The following KRT39 variants were observed in gnomAD, a reference collection of about 807,000 sequenced individuals.
The protein encoded by KRT39 is keratin, type I cytoskeletal 39.
In KRT39, 47 loss-of-function variants were observed where a neutral mutation model predicts 54.8. That is an observed-to-expected ratio of 0.86 (90% CI 0.68 to 1.09). The LOEUF (loss-of-function observed/expected upper bound fraction) is 1.09, where lower values mean the gene tolerates loss of function less well. KRT39 is among the 50% of genes least tolerant of loss of function. KRT39 has a pLI of 0.00. For synonymous variants in KRT39, 207 were observed against 227.9 expected, an observed-to-expected ratio of 0.91 and a Z score of 0.83; for missense variants, 580 against 598.5, an observed-to-expected ratio of 0.97 and a Z score of 0.32.
At position 40,962,217 on chromosome 17, in the gene KRT39, T is replaced by G; in HGVS notation, c.941A>C (p.Glu314Ala). The change falls in exon 5 of 7, where the codon GAA becomes GCA. Residue 314 changes from glutamate (E) to alanine (A), a missense_variant. Coordinates refer to ENST00000355612, the MANE Select transcript of KRT39 (RefSeq NM_213656.4). ...CAGAGTGTTCACACTGCGTCTCAGT[T>G]CTATGATCTCCTTTTGGCAGCATTG... ...QQQCCQKEII[E>A]LRRSVNTLEV... is the part of the protein sequence containing the mutation. 6.2e-7 allele frequency: 1 copy of G among 1,614,234 alleles called. No individual in the cohort carries two copies. The highest frequency in any genetic ancestry group is 8.5e-7 in the Non-Finnish European group (1 of 1,180,030).
At chr17:40,965,694 G>A (rs576691268) in intron 1 of KRT39, among the ~76,000 whole-genome samples, 1 of 152,228 alleles carries the variant, frequency 6.6e-6, no homozygotes, top group African/African-American at 2.4e-5. Flanking sequence ...AGGTGGTGAT[G>A]GTTGAAAAAT....
rs372674000 is a variant in KRT39, at chr17:40,966,835, T to C, written c.22A>G (p.Thr8Ala). MDTKGCT[T>A]TNSPSTPCQN... is the part of the protein sequence containing the mutation. The stretch of plus-strand genomic sequence containing the variant: ...CATGGGGTTGAAGGAGAATTGGTTG[T>C]TGTACAGCCCTTGGTGTCCATAGTA... Residue 8 changes from threonine (T) to alanine (A), a missense_variant, in exon 1 of 7, where the codon ACA becomes GCA. By Grantham distance (58) the Thr-to-Ala change is moderately conservative (BLOSUM62 0). Transcript: ENST00000355612. 1.7e-5 allele frequency: 28 copies of C among 1,612,884 alleles called. No homozygotes were observed. The highest frequency in any genetic ancestry group is 2.4e-5 in the Non-Finnish European group (28 of 1,179,112).
In KRT39 at chr17:40,961,014, C is replaced by A. The variant is rs1273232971; in HGVS notation, c.997-513G>T. On this transcript the variant is annotated intron_variant, in intron 5 of 6. Coordinates refer to ENST00000355612, the MANE Select transcript of KRT39 (RefSeq NM_213656.4). ...GGTGTTCTGGTGGGCACCTGTAATC[C>A]CAGCTACTTGGGAGGCTAAGGCAGA... 2.0e-5 allele frequency among the ~76,000 whole-genome samples: 3 copies of A among 151,974 alleles called. 1 individual carries two copies. Among genetic ancestry groups the A allele is most frequent in the Non-Finnish European group, 4.4e-5 (3 of 67,996 alleles).
rs137856184 is a variant in KRT39, at chr17:40,964,746, T to C, written c.469-218A>G. 1.9e-4 allele frequency among the ~76,000 whole-genome samples: 28 copies of C among 148,034 alleles called. 1 individual carries two copies. The East Asian group carries it at 5.4e-3, about 29-fold the overall frequency. ...CAAAAAGTACTTAACTAGAAACTTTTAAGTATTTTTTTTGTTGTTGTTGTT... is the reference window on the plus strand; with the variant it reads ...CAAAAAGTACTTAACTAGAAACTTTCAAGTATTTTTTTTGTTGTTGTTGTT... On this transcript the variant is annotated intron_variant, in intron 1 of 6. Transcript: ENST00000355612.
At chr17:40,958,981 G>A in intron 6 of KRT39, 122 bp from the exon 7 acceptor site, 2 of 846,190 alleles carry the variant, frequency 2.4e-6, no homozygotes, top group Non-Finnish European at 3.7e-6. Context: ...ACTTCTAAAT[G>A]CTTATTCATT....
Position 40,966,861 on chromosome 17 carries a change from T to A in KRT39, c.-5A>T. ...TGTACAGCCCTTGGTGTCCATAGTATGTGTCTGGCTTTAGTTTGTTCCAGG... is the reference window on the plus strand; with the variant it reads ...TGTACAGCCCTTGGTGTCCATAGTAAGTGTCTGGCTTTAGTTTGTTCCAGG... On this transcript the variant is annotated 5_prime_UTR_variant, in exon 1 of 7. Coordinates refer to ENST00000355612, the MANE Select transcript of KRT39 (RefSeq NM_213656.4). 6.3e-7 allele frequency: 1 copy of A among 1,577,692 alleles called. No individual in the cohort carries two copies. The highest frequency in any genetic ancestry group is 8.6e-7 in the Non-Finnish European group (1 of 1,163,386).
At chr17:40,962,959 G>A (rs1470561243) in intron 3 of KRT39, among the ~76,000 whole-genome samples, 1 of 152,190 alleles carries the variant, frequency 6.6e-6, no homozygotes, top group East Asian at 1.9e-4. Context: ...GGTGGCAGAA[G>A]CCTGTATAGG....
rs1911246694 is a variant in KRT39, at chr17:40,963,700, C to T, written c.635G>A (p.Gly212Asp). ...GACTTGTGCCTCTAGGTCGGCCTTG[C>T]CCAGGGTCAGCACATTCAGGATCTG... is the stretch of plus-strand genomic sequence containing the variant. ...LKQILNVLTL[G>D]KADLEAQVQS... The change falls in exon 3 of 7, where the codon GGC becomes GAC. Residue 212 changes from glycine (G) to aspartate (D), a missense_variant. By Grantham distance (94) the Gly-to-Asp change is moderately conservative. Transcript: ENST00000355612. 6.2e-7 allele frequency: 1 copy of T among 1,611,680 alleles called. No homozygotes were observed. The highest frequency in any genetic ancestry group is 2.2e-5 in the East Asian group (1 of 44,846).
Position 40,966,756 on chromosome 17 carries a change from C to T in KRT39, c.101G>A (p.Cys34Tyr), listed in dbSNP as rs1567838727. Residue 34 changes from cysteine (C) to tyrosine (Y), a missense_variant, in exon 1 of 7, where the codon TGC becomes TAC. Coordinates refer to ENST00000355612, the MANE Select transcript of KRT39 (RefSeq NM_213656.4). ...GTTGACTGTAAGGCCACCAGGATGG[C>T]AGCCGTTGTTAGAAGAGATGGTACT... ...NVSTISSNNG[C>Y]HPGGLTVNNC... The T allele has an allele frequency of 6.2e-7, 1 of 1,614,124 alleles. No homozygotes were observed. Among genetic ancestry groups the T allele is most frequent in the Admixed American group, 1.7e-5 (1 of 60,022 alleles).
intron 1 of KRT39, among the ~76,000 whole-genome samples, chr17:40,966,049 A>AT (rs991265881): frequency 3.5e-5 from 5 of 141,456 alleles, no homozygotes; most frequent in South Asian, 4.7e-4. Context: ...CGCCCATCTA[A>AT]TTTTTTTTTG....
intron 2 of KRT39, 197 bp from the exon 3 acceptor site, chr17:40,963,980 G>A (rs1238258021): frequency 8.8e-6 from 4 of 456,982 alleles, no homozygotes; most frequent in Non-Finnish European, 1.5e-5. Context: ...TTGCTAGGGG[G>A]ATCTACATTG....
intron 6 of KRT39, 86 bp downstream of exon 6, chr17:40,960,195 C>T: frequency 1.7e-6 from 2 of 1,172,530 alleles, no homozygotes; most frequent in South Asian, 2.6e-5. Context: ...TCAAACAAAG[C>T]ACTTGACCCC....
Position 40,963,783 on chromosome 17 carries a change from TC to T in KRT39, c.552-1del, listed in dbSNP as rs1307789463. On this transcript the variant is annotated splice_acceptor_variant, in intron 2 of 6. Coordinates refer to ENST00000355612, the MANE Select transcript of KRT39 (RefSeq NM_213656.4). LOFTEE classifies it high-confidence loss of function. The stretch of plus-strand genomic sequence containing the variant: ...GGCGTAGAGACACCTCAGCTTCGTA[TC>T]TTTAAAAACCAGATGGGAAAAGAGA... 1.3e-6 allele frequency: 2 copies of T among 1,571,818 alleles called. No homozygotes were observed. Among genetic ancestry groups the T allele is most frequent in the Non-Finnish European group, 1.7e-6 (2 of 1,148,772 alleles).
chr17:40,963,716 T>C lies in KRT39; in HGVS notation c.619A>G (p.Asn207Asp). The C allele has an allele frequency of 1.2e-6, 2 of 1,611,422 alleles. No individual in the cohort carries two copies. The highest frequency in any genetic ancestry group is 1.7e-6 in the Non-Finnish European group (2 of 1,177,886). ...SDANGLKQIL[N>D]VLTLGKADLE... ...TCGGCCTTGCCCAGGGTCAGCACAT[T>C]CAGGATCTGCTTGAGGCCATTGGCA... is the stretch of plus-strand genomic sequence containing the variant. Residue 207 changes from asparagine (N) to aspartate (D), a missense_variant, in exon 3 of 7, where the codon AAT (asparagine) becomes GAT (aspartate). Physicochemically the swap from Asn to Asp is conservative, Grantham distance 23 (BLOSUM62 1). Coordinates refer to ENST00000355612, the MANE Select transcript of KRT39 (RefSeq NM_213656.4).
rs749972269 is a variant in KRT39 at position 40,963,704 on chromosome 17, G to T, written c.631C>A (p.Leu211Met). The change falls in exon 3 of 7, where the codon CTG becomes ATG. Residue 211 changes from leucine to methionine, a missense_variant. Physicochemically the swap from Leu to Met is conservative, Grantham distance 15 (BLOSUM62 2). Coordinates refer to ENST00000355612, the MANE Select transcript of KRT39 (RefSeq NM_213656.4). ...GLKQILNVLTLGKADLEAQVQ... is the reference protein window; with the variant it reads ...GLKQILNVLTMGKADLEAQVQ... ...TGTGCCTCTAGGTCGGCCTTGCCCA[G>T]GGTCAGCACATTCAGGATCTGCTTG... 1.9e-6 allele frequency: 3 copies of T among 1,611,788 alleles called. No individual in the cohort carries two copies. The highest frequency in any genetic ancestry group is 2.5e-6 in the Non-Finnish European group (3 of 1,178,226).
chr17:40,958,716 A>G lies in KRT39; in HGVS notation c.1361T>C (p.Leu454Pro), dbSNP rs1911005892. Residue 454 changes from leucine (L) to proline (P), a missense_variant, in exon 7 of 7, where the codon CTG becomes CCG. Coordinates refer to ENST00000355612, the MANE Select transcript of KRT39 (RefSeq NM_213656.4). ...GCAAATTTTAACCAGTATCCGGGAC[A>G]GGGGTCCGCAGGCACTGCAGTGCTC... is the stretch of plus-strand genomic sequence containing the variant. ...LKEHCSACGP[L>P]SRILVKICTI... 13 of 1,613,980 alleles carry G rather than the reference A, an allele frequency of 8.1e-6. No individual in the cohort carries two copies. Among genetic ancestry groups the G allele is most frequent in the African/African-American group, 1.3e-5 (1 of 74,918 alleles).
chr17:40,960,141 T>A, intron 6 of KRT39, 140 bp downstream of exon 6: 3 of 680,900 alleles, frequency 4.4e-6, no homozygotes, highest in Non-Finnish European at 7.7e-6. Flanking sequence ...CTTGAGAGGG[T>A]GTGTGGATGC....
Position 40,958,726 on chromosome 17 carries a change from AG to A in KRT39, c.1350del (p.Cys451AlafsTer46). ...SPCSLKEHCS[A>X]CGPLSRILVK... Reference sequence around the variant, plus strand: ...ACCAGTATCCGGGACAGGGGTCCGCAGGCACTGCAGTGCTCCTTTAAGCTGC... The same window carrying A: ...ACCAGTATCCGGGACAGGGGTCCGCAGCACTGCAGTGCTCCTTTAAGCTGC... On this transcript the variant is annotated frameshift_variant, in exon 7 of 7. Coordinates refer to ENST00000355612, the MANE Select transcript of KRT39 (RefSeq NM_213656.4). LOFTEE classifies it high-confidence loss of function. 6.2e-7 allele frequency: 1 copy of A among 1,614,142 alleles called. No individual in the cohort carries two copies.
Position 40,966,651 on chromosome 17 carries a change from G to A in KRT39, c.206C>T (p.Pro69Leu). The change falls in exon 1 of 7, where the codon CCC becomes CTC. Residue 69 changes from proline to leucine, a missense_variant. Coordinates refer to ENST00000355612, the MANE Select transcript of KRT39 (RefSeq NM_213656.4). ...ATTGAAGTTGTTCATTAGGTAGATG[G>A]GCTTGCGACAAAAGCGAGGAGTGGG... ...CQPTPRFCRK[P>L]IYLMNNFNAR... 6.2e-7 allele frequency: 1 copy of A among 1,614,188 alleles called. No homozygotes were observed. Among genetic ancestry groups the A allele is most frequent in the Non-Finnish European group, 8.5e-7 (1 of 1,180,040 alleles).
Sources: allele counts gnomAD v4.1 joint callset (sites outside exome capture counted in the v4.1 genomes callset), GRCh38; gene constraint gnomAD v4.1.1; transcripts MANE v1.5; gene names NCBI Gene and HGNC (gene_info 2026-07-23, HGNC 2026-07-21).